Variants in SORCS3 observed in about 807,000 individuals in gnomAD.
SORCS3 encodes VPS10 domain-containing receptor SorCS3.
Under a neutral mutation model 146.3 loss-of-function variants are expected in SORCS3, and 57 were observed. That is an observed-to-expected ratio of 0.39 (90% CI 0.31 to 0.49). The LOEUF is 0.49. Among genes scored for constraint, SORCS3 ranks in the 20% least tolerant of loss-of-function variants. The probability of loss-of-function intolerance (pLI) is 0.92; values close to 1 mark genes in which losing one functional copy is unlikely to be tolerated. For synonymous variants in SORCS3, 653 were observed against 618.5 expected (o/e 1.06, Z -0.83); for missense variants, 1,341 against 1,575.5 (o/e 0.85, Z 2.52).
chr10:104,948,544 C>T (rs2019396438), intron 3 of SORCS3, among the ~76,000 whole-genome samples: 1 of 152,090 alleles, frequency 6.6e-6, no homozygotes, highest in Non-Finnish European at 1.5e-5. Context: ...GATACCAGGC[C>T]CTGGAAAGAT....
At chr10:104,967,835 T>G (rs182321348) in intron 3 of SORCS3, among the ~76,000 whole-genome samples, 4 of 151,796 alleles carry the variant, frequency 2.6e-5, no homozygotes, top group African/African-American at 9.7e-5. Context: ...ATTTTTTTTT[T>G]TTTTGATAGA....
chr10:105,009,419 T>C (rs1180074100), intron 4 of SORCS3, among the ~76,000 whole-genome samples: 1 of 151,640 alleles, frequency 6.6e-6, no homozygotes. Context: ...GCTTATAATT[T>C]AGTTGGGGAG....
At chr10:105,201,870 G>A (rs1471102906) in intron 16 of SORCS3, among the ~76,000 whole-genome samples, 1 of 152,166 alleles carries the variant, frequency 6.6e-6, no homozygotes, top group Non-Finnish European at 1.5e-5. Context: ...GGCAGCCAAA[G>A]CAAAGCTTTT....
At chr10:105,107,181 A>C (rs910223653) in intron 7 of SORCS3, among the ~76,000 whole-genome samples, 8 of 152,218 alleles carry the variant, frequency 5.3e-5, no homozygotes, top group African/African-American at 1.7e-4. Flanking sequence ...AGTCAAAGTC[A>C]GTCTGTGTTG....
intron 4 of SORCS3, among the ~76,000 whole-genome samples, chr10:105,019,733 A>T (rs995398566): frequency 6.6e-6 from 1 of 152,356 alleles, no homozygotes; most frequent in Non-Finnish European, 1.5e-5. Flanking sequence ...GTATTTTCAC[A>T]TAAGAATCAT....
At chr10:105,012,316 C>G (rs2055140480) in intron 4 of SORCS3, among the ~76,000 whole-genome samples, 1 of 151,712 alleles carries the variant, frequency 6.6e-6, no homozygotes, top group African/African-American at 2.4e-5. Context: ...TGGAGCAGGT[C>G]AAGAAAAAAA....
At chr10:105,159,044 A>G in intron 11 of SORCS3, 50 bp downstream of exon 11, 1 of 1,378,100 alleles carries the variant, frequency 7.3e-7, no homozygotes, top group East Asian at 2.3e-5. Flanking sequence ...TGTCTAGAAT[A>G]AATTTGTCAC....
At chr10:104,731,957 C>T (rs1403374283) in intron 1 of SORCS3, among the ~76,000 whole-genome samples, 1 of 152,184 alleles carries the variant, frequency 6.6e-6, no homozygotes, top group Non-Finnish European at 1.5e-5. Context: ...CTTCCAGTAA[C>T]TTGGGAACAT....
At chr10:104,658,272 A>G (rs1263534425) in intron 1 of SORCS3, among the ~76,000 whole-genome samples, 1 of 152,194 alleles carries the variant, frequency 6.6e-6, no homozygotes, top group Admixed American at 6.5e-5. Flanking sequence ...GAAAGGGCTC[A>G]TCCATGTGTT....
chr10:104,946,048 G>A (rs1410553390), intron 3 of SORCS3, among the ~76,000 whole-genome samples: 2 of 152,014 alleles, frequency 1.3e-5, no homozygotes, highest in Admixed American at 6.6e-5. Context: ...TTCCATATCT[G>A]TAAAATGGGG....
At chr10:105,069,327 TC>T (rs371112580) in intron 5 of SORCS3, among the ~76,000 whole-genome samples, 1 of 152,318 alleles carries the variant, frequency 6.6e-6, no homozygotes, top group Non-Finnish European at 1.5e-5. Context: ...CTTTTGAAAC[TC>T]CCTGAACCCT....
At position 104,723,495 on chromosome 10, in the gene SORCS3, C is replaced by T. The variant is rs181706354; in HGVS notation, c.627+81541C>T. 2.9e-3 allele frequency among the ~76,000 whole-genome samples: 441 copies of T among 152,268 alleles called. 1 individual carries two copies. Among genetic ancestry groups the T allele is most frequent in the Middle Eastern group, 0.024 (7 of 294 alleles). On this transcript the variant is annotated intron_variant, in intron 1 of 26. Coordinates refer to ENST00000369701, the MANE Select transcript of SORCS3 (RefSeq NM_014978.3). ...AGAGTGCTGTAGATGTCTATTAGGTCTGCTTGATGCAGAGCTGAGTTCAAT... is the reference window on the plus strand; with the variant it reads ...AGAGTGCTGTAGATGTCTATTAGGTTTGCTTGATGCAGAGCTGAGTTCAAT...
chr10:104,875,350 G>A (rs2018560370), intron 2 of SORCS3, among the ~76,000 whole-genome samples: 1 of 152,174 alleles, frequency 6.6e-6, no homozygotes, highest in African/African-American at 2.4e-5. Flanking sequence ...AGTCTCTCTT[G>A]AATTCAAATC....
At chr10:104,937,743 A>T (rs1020544868) in intron 3 of SORCS3, among the ~76,000 whole-genome samples, 1 of 152,138 alleles carries the variant, frequency 6.6e-6, no homozygotes, top group Non-Finnish European at 1.5e-5. Context: ...ATTCTTGCTC[A>T]CCTCAAGGGA....
At chr10:104,851,739 C>T (rs1309690560) in intron 2 of SORCS3, among the ~76,000 whole-genome samples, 1 of 152,144 alleles carries the variant, frequency 6.6e-6, no homozygotes, top group Non-Finnish European at 1.5e-5. Flanking sequence ...ATTTGATATA[C>T]CCCATTCCTG....
intron 2 of SORCS3, among the ~76,000 whole-genome samples, chr10:104,915,476 G>A (rs757250886): frequency 1.4e-5 from 2 of 144,532 alleles, no homozygotes; most frequent in Non-Finnish European, 3.0e-5. Context: ...GGGTCCGCTG[G>A]TGGGAACTTG....
intron 1 of SORCS3, among the ~76,000 whole-genome samples, chr10:104,723,503 T>G (rs971670360): frequency 6.6e-6 from 1 of 152,244 alleles, no homozygotes; most frequent in African/African-American, 2.4e-5. Flanking sequence ...GTCTGCTTGA[T>G]GCAGAGCTGA....
intron 1 of SORCS3, among the ~76,000 whole-genome samples, chr10:104,797,239 C>T (rs1289506974): frequency 6.6e-6 from 1 of 152,122 alleles, no homozygotes; most frequent in Non-Finnish European, 1.5e-5. Flanking sequence ...GAATAATTAG[C>T]CTAGGTAAGA....
chr10:104,694,320 AGCT>A (rs796154097), intron 1 of SORCS3, among the ~76,000 whole-genome samples: 2 of 151,532 alleles, frequency 1.3e-5, no homozygotes, highest in African/African-American at 4.8e-5. Context: ...TTAGGGAAGG[AGCT>A]TTGGAAGCAG....
Sources: gnomAD v4.1 joint callset for allele counts (sites outside exome capture counted in the v4.1 genomes callset) on GRCh38, gnomAD v4.1.1 for gene constraint, MANE v1.5 for transcripts, NCBI Gene and HGNC (gene_info 2026-07-23, HGNC 2026-07-21) for gene names.